The following DNM1L variants were observed in gnomAD, a reference collection of about 807,000 sequenced individuals.
DNM1L encodes the protein dynamin-1-like protein.
DNM1L carries 33 observed loss-of-function variants against 92.8 expected under a neutral mutation model. The observed-to-expected ratio is 0.36, with a 90% CI of 0.27 to 0.48. The LOEUF is 0.48. DNM1L is among the 20% of genes least tolerant of loss of function. The pLI, the probability that DNM1L is intolerant of heterozygous loss-of-function variation, is 0.99. For missense variants in DNM1L, 485 were observed against 888.8 expected, an observed-to-expected ratio of 0.55 and a Z score of 5.78; for synonymous variants, 284 against 305.0, an observed-to-expected ratio of 0.93 and a Z score of 0.72.
chr12:32,694,584 T>G (rs974452636), intron 1 of DNM1L, among the ~76,000 whole-genome samples: 1 of 152,210 alleles, frequency 6.6e-6, no homozygotes, highest in East Asian at 1.9e-4. Flanking sequence ...GGATTAAATA[T>G]CCATATTAGG....
At chr12:32,735,708 GTCTC>G (rs902384492) in intron 13 of DNM1L, among the ~76,000 whole-genome samples, 3 of 151,872 alleles carry the variant, frequency 2.0e-5, no homozygotes, top group Non-Finnish European at 4.4e-5. Context: ...TGGCAAAACT[GTCTC>G]TACTAAAAAT....
chr12:32,737,774 AT>A, intron 14 of DNM1L, 90 bp from the exon 15 acceptor site: 1 of 974,200 alleles, frequency 1.0e-6, no homozygotes. Flanking sequence ...TTACGATTTC[AT>A]TACAGAAGGG....
rs117428881 is a variant in DNM1L at position 32,706,134 on chromosome 12, C to G, written c.251-1233C>G. The stretch of plus-strand genomic sequence containing the variant: ...TAAATATAATAAGATAAATTAGAAA[C>G]AGCTCTTTGGTATGTAGTACTTGCA... On this transcript the variant is annotated intron_variant, in intron 2 of 19. Coordinates refer to ENST00000549701, the MANE Select transcript of DNM1L (RefSeq NM_012062.5). The G allele has an allele frequency of 2.2e-3, 745 of 342,498 alleles. 1 individual carries two copies. The highest frequency in any genetic ancestry group is 3.2e-3 in the Middle Eastern group (4 of 1,246). The allele number at this position is 342,498 out of a possible 1,614,324, so 21.2% of individuals were successfully genotyped here. A position where few individuals can be genotyped will look rare whatever the true frequency, so the allele number is the denominator to read the frequency against.
chr12:32,739,886 A>C (rs1221972645), intron 16 of DNM1L, 178 bp from the exon 17 acceptor site: 1 of 698,780 alleles, frequency 1.4e-6, no homozygotes, highest in Non-Finnish European at 2.4e-6. Context: ...TATTATTTAG[A>C]TAGGTCAGGG....
chr12:32,694,343 C>G (rs1196804600), intron 1 of DNM1L, among the ~76,000 whole-genome samples: 1 of 152,200 alleles, frequency 6.6e-6, no homozygotes, highest in Non-Finnish European at 1.5e-5. Flanking sequence ...CTTGGCCTCC[C>G]AAAGTGCTGG....
At chr12:32,691,149 C>T (rs1316956460) in intron 1 of DNM1L, among the ~76,000 whole-genome samples, 1 of 152,120 alleles carries the variant, frequency 6.6e-6, no homozygotes, top group Non-Finnish European at 1.5e-5. Flanking sequence ...TCGTAGATGG[C>T]TGCCTTCTTG....
At chr12:32,704,987 TATCTC>T (rs1034424924) in intron 2 of DNM1L, among the ~76,000 whole-genome samples, 1 of 151,354 alleles carries the variant, frequency 6.6e-6, no homozygotes, top group Non-Finnish European at 1.5e-5. Context: ...GGTTATCAGA[TATCTC>T]AGGCAAAGTT....
At chr12:32,680,499 A>G (rs1201363708) in intron 1 of DNM1L, among the ~76,000 whole-genome samples, 1 of 152,018 alleles carries the variant, frequency 6.6e-6, no homozygotes, top group African/African-American at 2.4e-5. Context: ...TGGAAACTAT[A>G]GACACCCTGT....
chr12:32,694,804 C>G lies in DNM1L; in HGVS notation c.103-6611C>G, dbSNP rs115603035. ...CCATACTGGAAGAAGCAGAAGGAAG[C>G]AGTGGAACTTCTGATGGAGCGGAGA... On this transcript the variant is annotated intron_variant, in intron 1 of 19. Transcript: ENST00000549701. Among the ~76,000 whole-genome samples the G allele has an allele frequency of 3.7e-3, 564 of 152,284 alleles. 5 individuals are homozygous for G. Among genetic ancestry groups the G allele is most frequent in the African/African-American group, 0.012 (507 of 41,564 alleles).
intron 14 of DNM1L, 124 bp downstream of exon 14, chr12:32,737,285 A>G: frequency 1.0e-6 from 1 of 958,640 alleles, no homozygotes; most frequent in East Asian, 2.6e-5. Context: ...ATTGGAACTA[A>G]CTGAGTAAAG....
intron 5 of DNM1L, among the ~76,000 whole-genome samples, chr12:32,712,143 T>C (rs1240796415): frequency 1.3e-5 from 2 of 152,218 alleles, no homozygotes; most frequent in African/African-American, 4.8e-5. Flanking sequence ...TAGTAGACAG[T>C]GATACGATTA....
chr12:32,742,888 CTTT>C (rs36039451), intron 19 of DNM1L, 140 bp downstream of exon 19: 11,075 of 237,192 alleles, frequency 0.047, 1 homozygote, highest in Middle Eastern at 0.067. Flanking sequence ...TGATAAGAAT[CTTT>C]TTTTTTTTTT....
intron 2 of DNM1L, chr12:32,705,853 C>G: frequency 6.3e-7 from 1 of 1,598,024 alleles, no homozygotes; most frequent in East Asian, 2.2e-5. Flanking sequence ...ACTCAAGACA[C>G]CTTTCTAAAG....
At position 32,701,531 on chromosome 12, in the gene DNM1L, A is replaced by G; in HGVS notation, c.219A>G (p.Glu73=). The G allele has an allele frequency of 6.2e-7, 1 of 1,614,034 alleles. No homozygotes were observed. Among genetic ancestry groups the G allele is most frequent in the Non-Finnish European group, 8.5e-7 (1 of 1,179,922 alleles). The change falls in exon 2 of 20, where the codon GAA becomes GAG. Residue 73 remains glutamate, a synonymous_variant. Coordinates refer to ENST00000549701, the MANE Select transcript of DNM1L (RefSeq NM_012062.5). ...LILQLVHVSQ[E]DKRKTTGEEN... is the part of the protein sequence containing the mutation. ...TGCAACTGGTCCATGTTTCACAAGA[A>G]GATAAACGGAAAACAACAGGAGAAG...
At chr12:32,726,875 C>T (rs1954184837) in intron 9 of DNM1L, 1 of 650,454 alleles carries the variant, frequency 1.5e-6, no homozygotes. Context: ...TCTTTGTCAG[C>T]ACTTCATTTG....
intron 16 of DNM1L, chr12:32,739,774 A>G: frequency 2.7e-6 from 1 of 371,470 alleles, no homozygotes; most frequent in Non-Finnish European, 5.0e-6. Flanking sequence ...GGGTGGGAGA[A>G]GAGGAACGAT....
intron 2 of DNM1L, among the ~76,000 whole-genome samples, chr12:32,703,374 A>G (rs1337809659): frequency 6.6e-6 from 1 of 152,098 alleles, no homozygotes; most frequent in African/African-American, 2.4e-5. Context: ...CAAACACAAT[A>G]TAGATTATAT....
intron 9 of DNM1L, among the ~76,000 whole-genome samples, chr12:32,724,663 T>TA (rs988589498): frequency 7.2e-6 from 1 of 138,262 alleles, no homozygotes; most frequent in Non-Finnish European, 1.6e-5. Context: ...AATATATATA[T>TA]AAAAAATAAT....
chr12:32,734,430 T>C (rs1954743640), intron 13 of DNM1L, among the ~76,000 whole-genome samples: 1 of 152,212 alleles, frequency 6.6e-6, no homozygotes, highest in Admixed American at 6.5e-5. Context: ...TTTCCTCTTC[T>C]GCATATCCAT....
Sources: allele counts gnomAD v4.1 joint callset (sites outside exome capture counted in the v4.1 genomes callset), GRCh38; gene constraint gnomAD v4.1.1; transcripts MANE v1.5; gene names NCBI Gene and HGNC (gene_info 2026-07-23, HGNC 2026-07-21).